Variants in CDH6 observed in about 807,000 individuals in gnomAD.
The protein encoded by CDH6 is cadherin 6.
Under a neutral mutation model 78.0 loss-of-function variants are expected in CDH6, and 31 were observed. That is an observed-to-expected ratio of 0.40 (90% CI 0.30 to 0.54). The LOEUF (loss-of-function observed/expected upper bound fraction) is 0.54, where lower values mean the gene tolerates loss of function less well. CDH6 is among the 20% of genes least tolerant of loss of function. The pLI, the probability that CDH6 is intolerant of heterozygous loss-of-function variation, is 0.56. For synonymous variants in CDH6, 376 were observed against 368.8 expected (o/e 1.02, Z -0.23); for missense variants, 724 against 975.9 (o/e 0.74, Z 3.44).
At chr5:31,243,536 C>A (rs1741660882) in intron 1 of CDH6, among the ~76,000 whole-genome samples, 1 of 152,152 alleles carries the variant, frequency 6.6e-6, no homozygotes, top group Admixed American at 6.5e-5. Context: ...CCCTGGGGGA[C>A]AAATCCAAGT....
intron 2 of CDH6, among the ~76,000 whole-genome samples, chr5:31,292,804 CATATATATATATGTGTGCATATATATAT>C (rs1182921077): frequency 1.5e-4 from 19 of 125,330 alleles, no homozygotes; most frequent in South Asian, 7.9e-4. Context: ...TATGTGTGTG[CATATATATATATGTGTGCATATATATAT>C]ATATATATAT....
chr5:31,198,009 C>G (rs1740216817), intron 1 of CDH6, among the ~76,000 whole-genome samples: 1 of 152,108 alleles, frequency 6.6e-6, no homozygotes, highest in Non-Finnish European at 1.5e-5. Context: ...CTATCACCCA[C>G]AAAGTAGGAA....
At chr5:31,289,965 T>TA (rs532111058) in intron 2 of CDH6, among the ~76,000 whole-genome samples, 2,960 of 147,030 alleles carry the variant, frequency 0.02, 94 homozygotes, top group African/African-American at 0.065. Flanking sequence ...GATGCTGTAT[T>TA]AAAAAAAAAA....
At position 31,233,520 on chromosome 5, in the gene CDH6, A is replaced by AAAAAAAC. The variant is rs112912287; in HGVS notation, c.-128-33821_-128-33815dup. 4.2e-3 allele frequency among the ~76,000 whole-genome samples: 628 copies of AAAAAAAC among 149,764 alleles called. 2 individuals carry two copies. The highest frequency in any genetic ancestry group is 0.011 in the African/African-American group (464 of 40,890). ...ACAGAGTGGGACTCTGTCTCAAAAA[A>AAAAAAAC]AAAAAACAAAACAAAAACTTTGCTT... On this transcript the variant is annotated intron_variant, in intron 1 of 11. Transcript: ENST00000265071.
chr5:31,313,830 A>G (rs1738225654), intron 8 of CDH6, among the ~76,000 whole-genome samples: 1 of 152,226 alleles, frequency 6.6e-6, no homozygotes, highest in African/African-American at 2.4e-5. Flanking sequence ...GGGGTCAAGT[A>G]TATTGTAAAA....
At chr5:31,247,324 G>C (rs988164563) in intron 1 of CDH6, among the ~76,000 whole-genome samples, 3 of 152,204 alleles carry the variant, frequency 2.0e-5, no homozygotes, top group African/African-American at 7.2e-5. Flanking sequence ...TAGAGGAGAA[G>C]AAGCTAAAAC....
chr5:31,292,791 A>G, intron 2 of CDH6, among the ~76,000 whole-genome samples: 2 of 145,360 alleles, frequency 1.4e-5, no homozygotes, highest in African/African-American at 5.1e-5. Context: ...GTATATGTAT[A>G]TATATGTGTG....
chr5:31,305,618 C>T (rs1737969955), intron 7 of CDH6, among the ~76,000 whole-genome samples, 191 bp downstream of exon 7: 2 of 152,150 alleles, frequency 1.3e-5, no homozygotes, highest in African/African-American at 4.8e-5. Flanking sequence ...GGCAGAAGTA[C>T]AGTAGTCCCT....
At position 31,323,317 on chromosome 5, in the gene CDH6, C is replaced by T. The variant is rs767142053; in HGVS notation, c.*9C>T. On this transcript the variant is annotated 3_prime_UTR_variant, in exon 12 of 12. Transcript: ENST00000265071. ...GTGACAAAGACTCCTAATCTGTTGC[C>T]TTTTTCATTTTCCAATACGACACTG... The T allele has an allele frequency of 1.9e-6, 3 of 1,595,348 alleles. No individual in the cohort carries two copies. The South Asian group carries it at 3.3e-5, about 18-fold the overall frequency.
At chr5:31,270,541 G>A (rs1433547990) in intron 2 of CDH6, among the ~76,000 whole-genome samples, 1 of 151,956 alleles carries the variant, frequency 6.6e-6, no homozygotes, top group African/African-American at 2.4e-5. Context: ...CAGCCACTAT[G>A]GAAAACCCAG....
intron 1 of CDH6, among the ~76,000 whole-genome samples, chr5:31,232,778 G>A (rs1447096463): frequency 1.3e-5 from 2 of 152,116 alleles, no homozygotes; most frequent in Non-Finnish European, 2.9e-5. Context: ...TATCTGTTGA[G>A]GAAATTATAA....
chr5:31,205,730 T>C (rs1336806991), intron 1 of CDH6, among the ~76,000 whole-genome samples: 1 of 152,224 alleles, frequency 6.6e-6, no homozygotes, highest in African/African-American at 2.4e-5. Context: ...GCTAAGTGAA[T>C]GACTTTTTTT....
In CDH6 at chr5:31,317,696, C is replaced by T; in HGVS notation, c.1654C>T (p.Arg552Trp). Residue 552 changes from arginine (R) to tryptophan (W), a missense_variant, in exon 11 of 12, where the codon CGG (arginine) becomes TGG (tryptophan). By Grantham distance (101) the Arg-to-Trp change is moderately radical. Around this residue, in one of 3 missense-constraint regions of CDH6, gnomAD observed 446 missense variants for 684.5 expected, o/e 0.65. Transcript: ENST00000265071. Reference protein sequence around the residue: ...NKDNTAGILTRKNGYNRHEMS... With the variant: ...NKDNTAGILTWKNGYNRHEMS... ...AGACAACACGGCGGGAATCTTAACTCGGAAAAATGGCTATAATAGACACGA... is the reference window on the plus strand; with the variant it reads ...AGACAACACGGCGGGAATCTTAACTTGGAAAAATGGCTATAATAGACACGA... 6.2e-7 allele frequency: 1 copy of T among 1,610,464 alleles called. No individual in the cohort carries two copies. Among genetic ancestry groups the T allele is most frequent in the Non-Finnish European group, 8.5e-7 (1 of 1,176,940 alleles).
chr5:31,219,264 T>A (rs1740944607), intron 1 of CDH6, among the ~76,000 whole-genome samples: 1 of 152,118 alleles, frequency 6.6e-6, no homozygotes, highest in African/African-American at 2.4e-5. Flanking sequence ...TCACCAAGCC[T>A]CCATCCACAA....
At position 31,234,769 on chromosome 5, in the gene CDH6, A is replaced by T. The variant is rs185276218; in HGVS notation, c.-128-32577A>T. 5.9e-5 allele frequency among the ~76,000 whole-genome samples: 9 copies of T among 152,334 alleles called. No individual in the cohort carries two copies. The East Asian group carries it at 1.7e-3, about 29-fold the overall frequency. The stretch of plus-strand genomic sequence containing the variant: ...TTATATTGATTAGCTCAAATTATAT[A>T]CATAAACATATACATACATATGCAT... On this transcript the variant is annotated intron_variant, in intron 1 of 11. Transcript: ENST00000265071.
chr5:31,296,062 A>G (rs975287719), intron 3 of CDH6, among the ~76,000 whole-genome samples: 1 of 152,210 alleles, frequency 6.6e-6, no homozygotes, highest in Non-Finnish European at 1.5e-5. Flanking sequence ...TCAGCACTAT[A>G]CATTCAGGGC....
At chr5:31,199,964 A>G (rs1353525079) in intron 1 of CDH6, among the ~76,000 whole-genome samples, 1 of 151,878 alleles carries the variant, frequency 6.6e-6, no homozygotes, top group Non-Finnish European at 1.5e-5. Flanking sequence ...TGAGCCAAGC[A>G]CTTAATGAAG....
At chr5:31,217,065 G>A (rs150174036) in intron 1 of CDH6, among the ~76,000 whole-genome samples, 63 of 152,208 alleles carry the variant, frequency 4.1e-4, no homozygotes, top group African/African-American at 1.4e-3. Flanking sequence ...AGCCCAGGGC[G>A]TGTATAGGTG....
chr5:31,240,534 G>A (rs1413018357), intron 1 of CDH6, among the ~76,000 whole-genome samples: 1 of 152,070 alleles, frequency 6.6e-6, no homozygotes, highest in African/African-American at 2.4e-5. Flanking sequence ...CCAAACCAGT[G>A]ACACCATCAT....
Sources: allele counts gnomAD v4.1 joint callset (sites outside exome capture counted in the v4.1 genomes callset), GRCh38; gene constraint gnomAD v4.1.1; regional missense constraint gnomAD v4.1.1; transcripts MANE v1.5; gene names NCBI Gene and HGNC (gene_info 2026-07-23, HGNC 2026-07-21).